GLIS3: variants seen among roughly 807,000 people sequenced by gnomAD.
GLIS3 encodes the protein GLIS family zinc finger 3, also known as zinc finger protein GLIS3.
In GLIS3, 53 loss-of-function variants were observed where a neutral mutation model predicts 78.6. That is an observed-to-expected ratio of 0.67 (90% CI 0.54 to 0.85). GLIS3 has a LOEUF of 0.85. Among genes scored for constraint, GLIS3 ranks in the 40% least tolerant of loss-of-function variants. The pLI, the probability that GLIS3 is intolerant of heterozygous loss-of-function variation, is 0.00. For missense variants in GLIS3, 1,703 were observed against 1,231.1 expected (o/e 1.38, Z -5.74); for synonymous variants, 684 against 509.9 (o/e 1.34, Z -4.60).
chr9:4,218,988 G>A lies in GLIS3; in HGVS notation c.388+67050C>T, dbSNP rs532287550. 6.6e-5 allele frequency among the ~76,000 whole-genome samples: 10 copies of A among 152,240 alleles called. No individual in the cohort carries two copies. In the East Asian group the frequency reaches 1.9e-3, roughly 29 times the overall value. On this transcript the variant is annotated intron_variant, in intron 2 of 10. Transcript: ENST00000381971. ...GTGAGCCTCATGAAAGATAAAATTG[G>A]TCATTACTGTATCCCTATTATCTCC...
chr9:4,391,758 C>G, the GLIS3 span, among the ~76,000 whole-genome samples: 1 of 152,102 alleles, frequency 6.6e-6, no homozygotes, highest in East Asian at 1.9e-4. Flanking sequence ...ACATCCAGTA[C>G]CTGGTACTGT....
chr9:4,359,264 A>T, the GLIS3 span, among the ~76,000 whole-genome samples: 1 of 151,334 alleles, frequency 6.6e-6, no homozygotes, highest in Non-Finnish European at 1.5e-5. Context: ...TCCTGGCTCC[A>T]TTGCTTGAGT....
intron 4 of GLIS3, chr9:4,071,635 G>C (rs1588601755): frequency 6.6e-6 from 1 of 152,146 alleles, no homozygotes; most frequent in Non-Finnish European, 1.5e-5. Flanking sequence ...TAAAATGGCA[G>C]CTGCCAATAT....
chr9:4,001,850 C>G (rs896242670), intron 4 of GLIS3, among the ~76,000 whole-genome samples: 2 of 152,164 alleles, frequency 1.3e-5, no homozygotes, highest in African/African-American at 4.8e-5. Context: ...TGTTCCCAAA[C>G]TGGTCTCTAT....
chr9:4,145,167 A>G (rs1834120463), intron 2 of GLIS3: 1 of 152,204 alleles, frequency 6.6e-6, no homozygotes. Flanking sequence ...CTCATAGACC[A>G]AACACCACAC....
intron 2 of GLIS3, among the ~76,000 whole-genome samples, chr9:4,136,736 AG>A (rs1234297341): frequency 6.6e-6 from 1 of 152,182 alleles, no homozygotes; most frequent in Admixed American, 6.5e-5. Context: ...AACAAAGATG[AG>A]CTAGGGCTGC....
intron 4 of GLIS3, among the ~76,000 whole-genome samples, chr9:3,987,597 G>A (rs995335276): frequency 5.3e-5 from 8 of 150,890 alleles, no homozygotes; most frequent in Admixed American, 4.6e-4. Context: ...AGCTACTCAG[G>A]AGGCTGAGGC....
At chr9:4,479,571 G>C in the GLIS3 span, among the ~76,000 whole-genome samples, 1 of 152,172 alleles carries the variant, frequency 6.6e-6, no homozygotes, top group African/African-American at 2.4e-5. Flanking sequence ...CACTCACCCA[G>C]CCCATGACCA....
intron 4 of GLIS3, among the ~76,000 whole-genome samples, chr9:4,018,869 G>C (rs796403430): frequency 6.6e-6 from 1 of 152,228 alleles, no homozygotes; most frequent in East Asian, 1.9e-4. Context: ...GAAAGATCCT[G>C]TGTTCTCGCT....
chr9:4,098,828 A>C (rs1763318115), intron 4 of GLIS3, among the ~76,000 whole-genome samples: 2 of 152,154 alleles, frequency 1.3e-5, no homozygotes, highest in Admixed American at 1.3e-4. Context: ...TTGTCACCCC[A>C]AATTAGTTCT....
intron 7 of GLIS3, among the ~76,000 whole-genome samples, chr9:3,882,274 T>C (rs1473211083): frequency 1.3e-5 from 2 of 152,100 alleles, no homozygotes; most frequent in East Asian, 3.8e-4. Context: ...GAAAGGAACA[T>C]TTATCCACCA....
Position 4,309,907 on chromosome 9 carries a change from A to G in GLIS3, n.392+494T>C, listed in dbSNP as rs560361868. On this transcript the variant is annotated intron_variant and non_coding_transcript_variant, in intron 3 of 4. Transcript: ENST00000471664. ...TATAATGCACAAATTTGGCGGCCAA[A>G]AGATTTCTCTCAAAGGTATGAAAAA... is the stretch of plus-strand genomic sequence containing the variant. 1.2e-3 allele frequency among the ~76,000 whole-genome samples: 183 copies of G among 152,334 alleles called. 1 individual carries two copies. The highest frequency in any genetic ancestry group is 4.3e-3 in the African/African-American group (178 of 41,578).
chr9:4,179,497 C>A (rs1219181649), intron 2 of GLIS3, among the ~76,000 whole-genome samples: 1 of 152,152 alleles, frequency 6.6e-6, no homozygotes, highest in East Asian at 1.9e-4. Context: ...CTCAAAAGGG[C>A]TCCGTTTAGA....
chr9:4,490,330 G>A, the GLIS3 span: 5 of 174,788 alleles, frequency 2.9e-5, no homozygotes, highest in Non-Finnish European at 1.2e-5. Context: ...TACCACGCCT[G>A]CTCCCTAGGG....
chr9:4,148,959 G>A (rs943904106), intron 2 of GLIS3, among the ~76,000 whole-genome samples: 1 of 151,834 alleles, frequency 6.6e-6, no homozygotes, highest in African/African-American at 2.4e-5. Flanking sequence ...TTTCCAAACT[G>A]TTTGACTTCT....
intron 2 of GLIS3, among the ~76,000 whole-genome samples, chr9:4,193,215 A>G (rs1818493758): frequency 6.6e-6 from 1 of 152,274 alleles, no homozygotes; most frequent in Non-Finnish European, 1.5e-5. Flanking sequence ...AATGTTCTTT[A>G]CATTTTAAAA....
intron 9 of GLIS3, among the ~76,000 whole-genome samples, chr9:3,842,808 C>G (rs1181738704): frequency 6.6e-6 from 1 of 152,164 alleles, no homozygotes; most frequent in African/African-American, 2.4e-5. Context: ...TGAAAGTTTT[C>G]CAAGTGAAAT....
intron 4 of GLIS3, among the ~76,000 whole-genome samples, chr9:4,083,154 C>G (rs2130709011): frequency 6.6e-6 from 1 of 152,286 alleles, no homozygotes; most frequent in African/African-American, 2.4e-5. Flanking sequence ...GAATAGAACT[C>G]ATGCCTGTGG....
chr9:4,469,699 G>A, the GLIS3 span, among the ~76,000 whole-genome samples: 4 of 152,126 alleles, frequency 2.6e-5, no homozygotes, highest in Non-Finnish European at 4.4e-5. Flanking sequence ...ATCTAAAATC[G>A]ACAACCTAAC....
Sources: allele counts gnomAD v4.1 joint callset (sites outside exome capture counted in the v4.1 genomes callset), GRCh38; gene constraint gnomAD v4.1.1; transcripts MANE v1.5; gene names NCBI Gene and HGNC (gene_info 2026-07-23, HGNC 2026-07-21).